Variants in ARHGAP26 observed in about 807,000 individuals in gnomAD.
ARHGAP26 encodes rho GTPase-activating protein 26.
In ARHGAP26, 38 loss-of-function variants were observed where a neutral mutation model predicts 104.8. The observed-to-expected ratio is 0.36, with a 90% CI of 0.28 to 0.48. The LOEUF is 0.48. Ranked by LOEUF, ARHGAP26 falls within the 20% of genes least tolerant of loss-of-function variation. The probability of loss-of-function intolerance (pLI) is 0.99; values close to 1 mark genes in which losing one functional copy is unlikely to be tolerated. For missense variants in ARHGAP26, 704 were observed against 947.9 expected (o/e 0.74, Z 3.38); for synonymous variants, 341 against 340.0 (o/e 1.00, Z -0.03).
At chr5:143,096,021 G>T (rs1347878917) in intron 17 of ARHGAP26, among the ~76,000 whole-genome samples, 3 of 152,086 alleles carry the variant, frequency 2.0e-5, no homozygotes, top group African/African-American at 7.2e-5. Context: ...TCAACAAGTG[G>T]TAATTTTTTA....
At chr5:143,105,308 C>T (rs1793834517) in intron 17 of ARHGAP26, among the ~76,000 whole-genome samples, 3 of 151,796 alleles carry the variant, frequency 2.0e-5, no homozygotes, top group African/African-American at 4.8e-5. Context: ...ACCCGGGAGG[C>T]GGAGGTTGTG....
chr5:143,025,811 T>C (rs1056596456), intron 12 of ARHGAP26, among the ~76,000 whole-genome samples: 2 of 152,202 alleles, frequency 1.3e-5, no homozygotes, highest in Non-Finnish European at 2.9e-5. Flanking sequence ...TTGCCAAGAA[T>C]TGGAACACTC....
At chr5:142,787,088 C>A (rs1488663962) in intron 1 of ARHGAP26, among the ~76,000 whole-genome samples, 1 of 152,112 alleles carries the variant, frequency 6.6e-6, no homozygotes, top group East Asian at 1.9e-4. Flanking sequence ...GTTATACTTC[C>A]TGTGTTACAT....
intron 1 of ARHGAP26, among the ~76,000 whole-genome samples, chr5:142,855,195 A>G (rs917035836): frequency 6.6e-5 from 10 of 152,192 alleles, no homozygotes; most frequent in Admixed American, 2.6e-4. Context: ...GACTGGCAAA[A>G]CAGCCTTTTA....
At chr5:143,201,287 C>T (rs1366385393) in intron 20 of ARHGAP26, among the ~76,000 whole-genome samples, 1 of 152,204 alleles carries the variant, frequency 6.6e-6, no homozygotes, top group Non-Finnish European at 1.5e-5. Context: ...GGGCATTCAG[C>T]TTAATACACC....
At chr5:143,053,363 A>G (rs1410788465) in intron 14 of ARHGAP26, among the ~76,000 whole-genome samples, 1 of 152,152 alleles carries the variant, frequency 6.6e-6, no homozygotes, top group East Asian at 1.9e-4. Context: ...AGAAAAAAAA[A>G]GGACTGGGAG....
At position 143,134,050 on chromosome 5, in the gene ARHGAP26, G is replaced by A. The variant is rs749880605; in HGVS notation, c.1782G>A (p.Pro594=). The part of the protein sequence containing the change: ...SRKKSSDSKP[P]SCSERPLTLF... Reference sequence around the variant, plus strand: ...AGAAGAGCAGTGACTCCAAGCCCCCGTCCTGCAGCGAGAGGCCCCTGACGC... The same window carrying A: ...AGAAGAGCAGTGACTCCAAGCCCCCATCCTGCAGCGAGAGGCCCCTGACGC... Residue 594 remains proline (P), a synonymous_variant, in exon 19 of 23, where the codon CCG becomes CCA. Transcript: ENST00000645722. 31 of 1,612,514 alleles carry A rather than the reference G, an allele frequency of 1.9e-5. No homozygotes were observed. Among genetic ancestry groups the A allele is most frequent in the South Asian group, 1.5e-4 (14 of 90,778 alleles).
At chr5:143,116,927 C>T (rs1795534919) in intron 17 of ARHGAP26, among the ~76,000 whole-genome samples, 5 of 152,186 alleles carry the variant, frequency 3.3e-5, no homozygotes, top group Admixed American at 2.0e-4. Context: ...TCAGTGGATG[C>T]AGCCATTCTG....
At chr5:142,813,273 C>G (rs1009163566) in intron 1 of ARHGAP26, among the ~76,000 whole-genome samples, 1 of 152,200 alleles carries the variant, frequency 6.6e-6, no homozygotes, top group Admixed American at 6.5e-5. Flanking sequence ...TACCTATCCT[C>G]TCTGTGTAAT....
At chr5:143,220,754 A>G (rs1326035376) in intron 22 of ARHGAP26, among the ~76,000 whole-genome samples, 1 of 152,192 alleles carries the variant, frequency 6.6e-6, no homozygotes, top group Non-Finnish European at 1.5e-5. Context: ...GCCAACTAAT[A>G]GATGTTTAAC....
intron 19 of ARHGAP26, among the ~76,000 whole-genome samples, chr5:143,143,257 G>C (rs149629424): frequency 1.3e-3 from 194 of 152,266 alleles, no homozygotes; most frequent in African/African-American, 4.4e-3. Context: ...TGTGAATTTG[G>C]CTTGGCTCTG....
chr5:142,882,872 T>A (rs1757196499), intron 4 of ARHGAP26, among the ~76,000 whole-genome samples: 1 of 152,170 alleles, frequency 6.6e-6, no homozygotes, highest in African/African-American at 2.4e-5. Flanking sequence ...GGAAATTGAG[T>A]CCTGGAGAGG....
chr5:142,944,205 C>T (rs1338981866), intron 11 of ARHGAP26, among the ~76,000 whole-genome samples: 2 of 152,170 alleles, frequency 1.3e-5, no homozygotes, highest in African/African-American at 4.8e-5. Context: ...TATACCTGCA[C>T]ATCTAGAAAT....
chr5:142,880,855 C>G (rs1598058340), intron 4 of ARHGAP26, among the ~76,000 whole-genome samples: 1 of 152,206 alleles, frequency 6.6e-6, no homozygotes, highest in East Asian at 1.9e-4. Context: ...TAGTCAGGGT[C>G]TTTCAGAGGG....
At chr5:143,025,031 T>C (rs1780848804) in intron 12 of ARHGAP26, among the ~76,000 whole-genome samples, 1 of 152,208 alleles carries the variant, frequency 6.6e-6, no homozygotes, top group Non-Finnish European at 1.5e-5. Flanking sequence ...TGGACATCCT[T>C]TGCTCAATGG....
chr5:143,016,132 T>C (rs1448985103), intron 12 of ARHGAP26, among the ~76,000 whole-genome samples: 1 of 152,204 alleles, frequency 6.6e-6, no homozygotes, highest in African/African-American at 2.4e-5. Context: ...GAGGGCTGGA[T>C]CTATTTGCAG....
At chr5:143,177,115 G>A (rs1474786223) in intron 20 of ARHGAP26, among the ~76,000 whole-genome samples, 1 of 152,066 alleles carries the variant, frequency 6.6e-6, no homozygotes, top group Non-Finnish European at 1.5e-5. Flanking sequence ...ATTTAATTGC[G>A]CCTTTCTGCT....
rs538481741 is a variant in ARHGAP26, at chr5:142,996,032, G to T, written c.1108-18048G>T. Reference sequence around the variant, plus strand: ...ACAGGGAGGGAACATAACATACCGGGGCCTACTGGGGGGTGGGGAGCAAGT... The same window carrying T: ...ACAGGGAGGGAACATAACATACCGGTGCCTACTGGGGGGTGGGGAGCAAGT... On this transcript the variant is annotated intron_variant, in intron 11 of 22. Transcript: ENST00000645722. 3.9e-5 allele frequency among the ~76,000 whole-genome samples: 6 copies of T among 152,160 alleles called. No individual in the cohort carries two copies. In the South Asian group the frequency reaches 1.2e-3, roughly 32 times the overall value.
chr5:142,793,426 A>G (rs1290735611), intron 1 of ARHGAP26, among the ~76,000 whole-genome samples: 1 of 151,612 alleles, frequency 6.6e-6, no homozygotes, highest in Non-Finnish European at 1.5e-5. Flanking sequence ...AGGAGGCCTT[A>G]ATGTCTCTCT....
Sources: gnomAD v4.1 joint callset for allele counts (sites outside exome capture counted in the v4.1 genomes callset) on GRCh38, gnomAD v4.1.1 for gene constraint, MANE v1.5 for transcripts, NCBI Gene and HGNC (gene_info 2026-07-23, HGNC 2026-07-21) for gene names.